Variants in DCHS2 observed in about 807,000 individuals in gnomAD.
DCHS2 encodes dachsous cadherin-related 2, also known as protocadherin-23.
In DCHS2, 142 loss-of-function variants were observed where a neutral mutation model predicts 182.4. The observed-to-expected ratio is 0.78, with a 90% CI of 0.68 to 0.89. DCHS2 has a LOEUF of 0.89. Ranked by LOEUF, DCHS2 falls within the 40% of genes least tolerant of loss-of-function variation. DCHS2 has a pLI of 0.00. For missense variants in DCHS2, 4,319 were observed against 4,198.6 expected, an observed-to-expected ratio of 1.03 and a Z score of -0.79; for synonymous variants, 1,740 against 1,663.3, an observed-to-expected ratio of 1.05 and a Z score of -1.12.
chr4:154,240,751 C>G lies in DCHS2; in HGVS notation c.7145G>C (p.Ser2382Thr). The change falls in exon 18 of 20, where the codon AGT (serine) becomes ACT (threonine). Residue 2382 changes from serine to threonine, a missense_variant. Coordinates refer to ENST00000357232, the MANE Select transcript of DCHS2 (RefSeq NM_001358235.2). ...DVDLNSAFIF[S>T]FAKESNPGTK... The stretch of plus-strand genomic sequence containing the variant: ...TCCAGGATTACTCTCTTTGGCAAAA[C>G]TGAATATGAAAGCTGAATTCAAATC... 1 of 1,613,966 alleles carries G rather than the reference C, an allele frequency of 6.2e-7. No homozygotes were observed. Among genetic ancestry groups the G allele is most frequent in the Non-Finnish European group, 8.5e-7 (1 of 1,179,918 alleles).
chr4:154,356,961 C>T (rs1729901151), intron 3 of DCHS2, among the ~76,000 whole-genome samples: 2 of 152,000 alleles, frequency 1.3e-5, no homozygotes, highest in South Asian at 2.1e-4. Context: ...TTCTCTCTTT[C>T]CTTATCTAGT....
chr4:154,486,616 G>A, intron 1 of DCHS2: 1 of 1,165,826 alleles, frequency 8.6e-7, no homozygotes, highest in Non-Finnish European at 1.1e-6. Flanking sequence ...GAACACAGGA[G>A]GTGTCATGAG....
intron 3 of DCHS2, among the ~76,000 whole-genome samples, chr4:154,363,169 T>C (rs1730201036): frequency 6.6e-6 from 1 of 152,126 alleles, no homozygotes; most frequent in Non-Finnish European, 1.5e-5. Context: ...CCTTTAAAAG[T>C]TAAAAATAGA....
chr4:154,302,681 T>C (rs1232100621), intron 12 of DCHS2, among the ~76,000 whole-genome samples: 2 of 151,818 alleles, frequency 1.3e-5, no homozygotes. Flanking sequence ...GTTTCCAACC[T>C]GGCTGAGAAG....
At chr4:154,458,918 A>G (rs1734884961) in intron 1 of DCHS2, among the ~76,000 whole-genome samples, 1 of 152,176 alleles carries the variant, frequency 6.6e-6, no homozygotes, top group Non-Finnish European at 1.5e-5. Flanking sequence ...AACAATGAAA[A>G]CATCATTACA....
chr4:154,394,859 G>T (rs1379368980), intron 1 of DCHS2, among the ~76,000 whole-genome samples: 3 of 152,174 alleles, frequency 2.0e-5, no homozygotes, highest in Non-Finnish European at 4.4e-5. Flanking sequence ...AAACTGCATG[G>T]CCTTTCCAGG....
chr4:154,258,853 C>T, intron 15 of DCHS2, among the ~76,000 whole-genome samples: 1 of 152,156 alleles, frequency 6.6e-6, no homozygotes, highest in East Asian at 1.9e-4. Flanking sequence ...AGGAATGACC[C>T]TCCCTGTGGC....
At chr4:154,287,971 C>T (rs1038152928) in intron 13 of DCHS2, among the ~76,000 whole-genome samples, 1 of 151,946 alleles carries the variant, frequency 6.6e-6, no homozygotes, top group African/African-American at 2.4e-5. Flanking sequence ...CCAGAGAAAA[C>T]CGCCTTCACT....
intron 1 of DCHS2, among the ~76,000 whole-genome samples, chr4:154,466,550 C>T (rs888606244): frequency 3.9e-5 from 6 of 152,118 alleles, no homozygotes; most frequent in Non-Finnish European, 2.9e-5. Flanking sequence ...GATAAATAAT[C>T]CAGGTAAAGA....
chr4:154,330,302 T>C (rs1736469910), intron 5 of DCHS2, among the ~76,000 whole-genome samples: 1 of 152,258 alleles, frequency 6.6e-6, no homozygotes, highest in African/African-American at 2.4e-5. Context: ...TCTTGTTTTA[T>C]GCACACAAGT....
At chr4:154,249,801 C>A (rs926862991) in intron 16 of DCHS2, among the ~76,000 whole-genome samples, 11 of 150,730 alleles carry the variant, frequency 7.3e-5, no homozygotes, top group Non-Finnish European at 1.3e-4. Context: ...AACAAAAAAC[C>A]AAAATAGCTC....
intron 1 of DCHS2, among the ~76,000 whole-genome samples, chr4:154,387,437 C>T (rs1731471681): frequency 6.6e-6 from 1 of 152,044 alleles, no homozygotes; most frequent in Admixed American, 6.6e-5. Flanking sequence ...ACAAAGAAAA[C>T]CACTGAAGAA....
chr4:154,485,032 A>G (rs1302104183), intron 1 of DCHS2, among the ~76,000 whole-genome samples: 1 of 152,218 alleles, frequency 6.6e-6, no homozygotes, highest in Non-Finnish European at 1.5e-5. Context: ...CCACCTATAA[A>G]GCTCTACAAA....
At chr4:154,242,514 C>CA in intron 17 of DCHS2, 128 bp downstream of exon 17, 4 of 1,323,150 alleles carry the variant, frequency 3.0e-6, no homozygotes, top group Non-Finnish European at 3.9e-6. Context: ...AAAATGAAGA[C>CA]AAAAATGATC....
intron 3 of DCHS2, among the ~76,000 whole-genome samples, chr4:154,350,659 C>A (rs762693186): frequency 6.6e-6 from 1 of 152,140 alleles, no homozygotes; most frequent in Non-Finnish European, 1.5e-5. Context: ...GCACAGCAAC[C>A]ATTTATACAT....
At chr4:154,336,018 T>C (rs1457356157) in intron 3 of DCHS2, among the ~76,000 whole-genome samples, 2 of 152,190 alleles carry the variant, frequency 1.3e-5, no homozygotes, top group Admixed American at 1.3e-4. Context: ...GTCTACAGGA[T>C]GAAACTAAAA....
At chr4:154,458,404 TC>T (rs1734863129) in intron 1 of DCHS2, among the ~76,000 whole-genome samples, 1 of 152,204 alleles carries the variant, frequency 6.6e-6, no homozygotes, top group African/African-American at 2.4e-5. Context: ...TTACGGTTTT[TC>T]TTCTCCAAGC....
intron 1 of DCHS2, among the ~76,000 whole-genome samples, chr4:154,444,448 C>T (rs1015290297): frequency 2.6e-5 from 4 of 152,138 alleles, no homozygotes; most frequent in African/African-American, 9.7e-5. Flanking sequence ...CTGGCATTGC[C>T]CTCATCCAGT....
intron 1 of DCHS2, among the ~76,000 whole-genome samples, chr4:154,480,697 A>G (rs1398267915): frequency 6.6e-6 from 1 of 152,236 alleles, no homozygotes; most frequent in East Asian, 1.9e-4. Flanking sequence ...ATGCATAAAC[A>G]ATTTACTTGA....
Sources: allele counts gnomAD v4.1 joint callset (sites outside exome capture counted in the v4.1 genomes callset), GRCh38; gene constraint gnomAD v4.1.1; transcripts MANE v1.5; gene names NCBI Gene and HGNC (gene_info 2026-07-23, HGNC 2026-07-21).